Variants in IL1R1 observed in about 807,000 individuals in gnomAD.
IL1R1 encodes the protein interleukin 1 receptor type 1.
IL1R1 carries 22 observed loss-of-function variants against 50.2 expected under a neutral mutation model. The observed-to-expected ratio is 0.44, with a 90% confidence interval of 0.31 to 0.63. The LOEUF (loss-of-function observed/expected upper bound fraction) is 0.63, where lower values mean the gene tolerates loss of function less well. Among genes scored for constraint, IL1R1 ranks in the 20% least tolerant of loss-of-function variants. The probability of loss-of-function intolerance (pLI) is 0.07; values close to 1 mark genes in which losing one functional copy is unlikely to be tolerated. For missense variants in IL1R1, 509 were observed against 676.2 expected (o/e 0.75, Z 2.74); for synonymous variants, 251 against 236.7 (o/e 1.06, Z -0.55).
At chr2:102,137,953 AC>A (rs1175752805), upstream of IL1R1, among the ~76,000 whole-genome samples, 2 of 152,216 alleles carry the variant, frequency 1.3e-5, no homozygotes, top group African/African-American at 4.8e-5. Flanking sequence ...GAGATCAATT[AC>A]AAAAAATTGC....
At chr2:102,154,365 T>C (rs1683970230) in intron 2 of IL1R1, among the ~76,000 whole-genome samples, 1 of 152,168 alleles carries the variant, frequency 6.6e-6, no homozygotes, top group African/African-American at 2.4e-5. Flanking sequence ...TCACCACATG[T>C]TCAAATTCTT....
At chr2:102,101,195 C>A (rs1035283109), upstream of IL1R1, among the ~76,000 whole-genome samples, 2 of 152,194 alleles carry the variant, frequency 1.3e-5, no homozygotes, top group African/African-American at 4.8e-5. Context: ...CTTGGTGATG[C>A]TCTTGGCTTA....
chr2:102,098,075 T>C (rs1199762495), intron 1 of IL1R1, among the ~76,000 whole-genome samples: 1 of 152,048 alleles, frequency 6.6e-6, no homozygotes, highest in African/African-American at 2.4e-5. Context: ...TCCATGACCG[T>C]GTTACGATTA....
upstream of IL1R1, among the ~76,000 whole-genome samples, chr2:102,137,920 A>G (rs1005959480): frequency 1.3e-5 from 2 of 152,218 alleles, no homozygotes; most frequent in African/African-American, 4.8e-5. Flanking sequence ...TTGCTTGTGT[A>G]AAAGGAAAAG....
intron 1 of IL1R1, among the ~76,000 whole-genome samples, chr2:102,105,734 A>G (rs1680370730): frequency 6.6e-6 from 1 of 152,190 alleles, no homozygotes; most frequent in South Asian, 2.1e-4. Context: ...GTATTGGCAA[A>G]ACTTGTACAC....
Position 102,095,596 on chromosome 2 carries a change from CCTCT to C in IL1R1, c.-84+25066_-84+25069del, listed in dbSNP as rs1231667157. ...TGGCATCTTTGAAGTTTTCTGTATA[CCTCT>C]CTTTCTACCTCCCTGCTTCCCCCCA... On this transcript the variant is annotated intron_variant, in intron 1 of 11. Transcript: ENST00000409929. Among the ~76,000 whole-genome samples the C allele has an allele frequency of 5.3e-5, 8 of 152,182 alleles. No individual in the cohort carries two copies. The East Asian group carries it at 1.5e-3, about 29-fold the overall frequency.
rs1368963045 is a variant in IL1R1, at chr2:102,125,008, C to T, written c.-84+20136C>T. 2.7e-5 allele frequency among the ~76,000 whole-genome samples: 4 copies of T among 150,104 alleles called. No individual in the cohort carries two copies. In the East Asian group the frequency reaches 7.7e-4, roughly 29 times the overall value. On this transcript the variant is annotated intron_variant, in intron 1 of 10. Coordinates refer to the IL1R1 transcript ENST00000409329. ...CCGCCATAATCCAATCACCTCCCAT[C>T]AGGTTCCTCCCTTGACACATGGAGA...
At chr2:102,136,288 C>A (rs1345437927) in intron 1 of IL1R1, among the ~76,000 whole-genome samples, 1 of 152,072 alleles carries the variant, frequency 6.6e-6, no homozygotes, top group Non-Finnish European at 1.5e-5. Flanking sequence ...ATCAGTGGTC[C>A]TATCGCCTCT....
chr2:102,137,293 A>G (rs1396761092), intron 1 of IL1R1, among the ~76,000 whole-genome samples: 20 of 152,188 alleles, frequency 1.3e-4, no homozygotes, highest in Admixed American at 1.3e-3. Context: ...ATCTACCCTG[A>G]AACTTGATGA....
At chr2:102,091,913 G>A (rs933351858) in intron 1 of IL1R1, among the ~76,000 whole-genome samples, 13 of 152,086 alleles carry the variant, frequency 8.5e-5, no homozygotes, top group Non-Finnish European at 1.8e-4. Flanking sequence ...TCCACTTAAT[G>A]TAATGACTTC....
chr2:102,083,111 T>TCTGCACCC (rs1413807759), intron 1 of IL1R1, among the ~76,000 whole-genome samples: 2 of 152,170 alleles, frequency 1.3e-5, no homozygotes, highest in African/African-American at 4.8e-5. Context: ...GAAGGGATTT[T>TCTGCACCC]CTGCACCCAG....
At chr2:102,113,469 C>T (rs1680891838) in intron 1 of IL1R1, among the ~76,000 whole-genome samples, 1 of 152,210 alleles carries the variant, frequency 6.6e-6, no homozygotes, top group Non-Finnish European at 1.5e-5. Context: ...TAACATATTC[C>T]AACATGGGTC....
chr2:102,143,753 G>A (rs1365515196), intron 1 of IL1R1, among the ~76,000 whole-genome samples: 2 of 152,212 alleles, frequency 1.3e-5, no homozygotes, highest in African/African-American at 4.8e-5. Flanking sequence ...GCACTGCCGG[G>A]AGGAAGGAAG....
chr2:102,132,693 T>A (rs1207891081), intron 1 of IL1R1, among the ~76,000 whole-genome samples: 2 of 152,154 alleles, frequency 1.3e-5, no homozygotes, highest in Non-Finnish European at 2.9e-5. Context: ...ATAAAATTGA[T>A]AAACCTTTAG....
chr2:102,077,057 TTTTC>T (rs1678999123), intron 1 of IL1R1, among the ~76,000 whole-genome samples: 1 of 152,074 alleles, frequency 6.6e-6, no homozygotes, highest in Non-Finnish European at 1.5e-5. Flanking sequence ...TAATTTTTGT[TTTTC>T]TTTCTTTCTT....
rs1682809719 is a variant in IL1R1 at position 102,143,037 on chromosome 2, G to A, written c.-84+17G>A. 6.6e-6 allele frequency: 1 copy of A among 152,518 alleles called. No individual in the cohort carries two copies. Among genetic ancestry groups the A allele is most frequent in the Non-Finnish European group, 1.5e-5 (1 of 68,276 alleles). The allele number at this position is 152,518 out of a possible 1,614,324, so 9.4% of individuals were successfully genotyped here. On this transcript the variant is annotated intron_variant, in intron 1 of 11. Transcript: ENST00000410023. ...TCCGTCCAGGTACGGGGAAGCTGGA[G>A]CATCCGGGGACTAGGTAGGGGTGAG... is the stretch of plus-strand genomic sequence containing the variant.
Position 102,109,802 on chromosome 2 carries a change from C to G in IL1R1, c.-84+4930C>G, listed in dbSNP as rs1320035792. Among the ~76,000 whole-genome samples, 3 of 152,134 alleles carry G rather than the reference C, an allele frequency of 2.0e-5. No homozygotes were observed. The East Asian group carries it at 5.8e-4, about 29-fold the overall frequency. On this transcript the variant is annotated intron_variant, in intron 1 of 10. Coordinates refer to the IL1R1 transcript ENST00000409329. ...CTTATATTTCCTCTCTATTGACCCC[C>G]CAAATCTGCACCAAGGAACTCCAGC... is the stretch of plus-strand genomic sequence containing the variant.
At chr2:102,131,375 T>C (rs879708927) in intron 1 of IL1R1, among the ~76,000 whole-genome samples, 9 of 152,130 alleles carry the variant, frequency 5.9e-5, no homozygotes, top group Non-Finnish European at 1.0e-4. Context: ...ATAAGGATGA[T>C]AATAATGCAG....
At chr2:102,111,251 G>T (rs549045854) in intron 1 of IL1R1, among the ~76,000 whole-genome samples, 1 of 152,278 alleles carries the variant, frequency 6.6e-6, no homozygotes, top group East Asian at 1.9e-4. Flanking sequence ...ATTCTCACCT[G>T]AATAACACCA....
Sources: allele counts gnomAD v4.1 joint callset (sites outside exome capture counted in the v4.1 genomes callset), GRCh38; gene constraint gnomAD v4.1.1; transcripts MANE v1.5; gene names NCBI Gene and HGNC (gene_info 2026-07-23, HGNC 2026-07-21).